Variants in F5 observed in about 807,000 individuals in gnomAD.
The protein encoded by F5 is coagulation factor V, also known as activated protein c cofactor.
A neutral mutation model predicts 216.4 loss-of-function variants in F5; 138 were observed. The ratio of observed to expected loss-of-function variants is 0.64; its 90% CI spans 0.56 to 0.73. The LOEUF (loss-of-function observed/expected upper bound fraction) is 0.73. Ranked by LOEUF, F5 falls within the 30% of genes least tolerant of loss-of-function variation. F5 has a pLI of 0.00. For synonymous variants in F5, 916 were observed against 930.7 expected (o/e 0.98, Z 0.29); for missense variants, 2,403 against 2,674.0 (o/e 0.90, Z 2.24).
intron 11 of F5, among the ~76,000 whole-genome samples, chr1:169,545,221 TA>T (rs1226243010): frequency 7.9e-5 from 12 of 152,226 alleles, no homozygotes; most frequent in African/African-American, 2.7e-4. Flanking sequence ...CATGATGTAT[TA>T]TTAGTTTATA....
At position 169,541,967 on chromosome 1, in the gene F5, A is replaced by C; in HGVS notation, c.3123T>G (p.Ala1041=). Residue 1041 remains alanine, a synonymous_variant, in exon 13 of 25, where the codon GCT becomes GCG. Transcript: ENST00000367797. Reference sequence around the variant, plus strand: ...GGTGAAAGGTCCTCGGAGATAAAGGAGCATGGTGTGTGTGCTTCTCTTTTT... The same window carrying C: ...GGTGAAAGGTCCTCGGAGATAAAGGCGCATGGTGTGTGTGCTTCTCTTTTT... The part of the protein sequence containing the change: ...KKKKEKHTHH[A]PLSPRTFHPL... 1 of 1,614,066 alleles carries C rather than the reference A, an allele frequency of 6.2e-7. No individual in the cohort carries two copies. The highest frequency in any genetic ancestry group is 2.2e-5 in the East Asian group (1 of 44,890).
Position 169,556,876 on chromosome 1 carries a change from G to C in F5, c.731-9C>G, listed in dbSNP as rs761266037. The C allele has an allele frequency of 1.9e-6, 3 of 1,612,514 alleles. No homozygotes were observed. Among genetic ancestry groups the C allele is most frequent in the Non-Finnish European group, 2.5e-6 (3 of 1,179,516 alleles). On this transcript the variant is annotated splice_polypyrimidine_tract_variant and intron_variant, in intron 5 of 24. Transcript: ENST00000367797. The stretch of plus-strand genomic sequence containing the variant: ...GGCACAAACTGTTATATCTGAGAAA[G>C]AGGGAGAGACACAGGCCAAAATAAG...
intron 14 of F5, among the ~76,000 whole-genome samples, chr1:169,532,043 A>G (rs996163128): frequency 6.6e-6 from 1 of 152,230 alleles, no homozygotes; most frequent in Non-Finnish European, 1.5e-5. Context: ...GTGGCTCCAC[A>G]TATGCAAATC....
In F5 at chr1:169,586,319, C is replaced by T; in HGVS notation, c.68G>A (p.Ser23Asn). Residue 23 changes from serine (S) to asparagine (N), a missense_variant, in exon 1 of 25, where the codon AGC (serine) becomes AAC (asparagine). Coordinates refer to ENST00000367797, the MANE Select transcript of F5 (RefSeq NM_000130.5). ...TAGCTGTGCCGCTTCTGTCCCTTGG[C>T]TCCCCCAGCCTACCCAGCTGGTGCC... is the stretch of plus-strand genomic sequence containing the variant. ...VLGTSWVGWG[S>N]QGTEAAQLRQ... 6.2e-7 allele frequency: 1 copy of T among 1,614,134 alleles called. No individual in the cohort carries two copies. Among genetic ancestry groups the T allele is most frequent in the African/African-American group, 1.3e-5 (1 of 75,070 alleles).
chr1:169,558,065 G>T (rs527450614), intron 5 of F5, among the ~76,000 whole-genome samples: 2 of 152,070 alleles, frequency 1.3e-5, no homozygotes, highest in Non-Finnish European at 2.9e-5. Context: ...ATATGGTTTT[G>T]CTTTTCTTGG....
At chr1:169,553,590 C>T (rs985971264) in intron 7 of F5, among the ~76,000 whole-genome samples, 2 of 152,134 alleles carry the variant, frequency 1.3e-5, no homozygotes, top group African/African-American at 2.4e-5. Flanking sequence ...TTTGTGTTGG[C>T]GGGCCCCTGT....
intron 8 of F5, 29 bp from the exon 9 acceptor site, chr1:169,550,768 G>C: frequency 6.6e-7 from 1 of 1,507,132 alleles, no homozygotes; most frequent in African/African-American, 1.4e-5. Flanking sequence ...TTTATTCTAG[G>C]ATTTAAGGTT....
At position 169,542,179 on chromosome 1, in the gene F5, A is replaced by T. The variant is rs771854805; in HGVS notation, c.2911T>A (p.Trp971Arg). 1 of 1,613,968 alleles carries T rather than the reference A, an allele frequency of 6.2e-7. No homozygotes were observed. Among genetic ancestry groups the T allele is most frequent in the Non-Finnish European group, 8.5e-7 (1 of 1,179,996 alleles). The part of the protein sequence containing the change: ...DTDEDTAVNN[W>R]LISPQNASRA... ...GAGGCATTCTGGGGGCTGATCAGCC[A>T]ATTGTTAACAGCTGTGTCTTCATCA... The change falls in exon 13 of 25, where the codon TGG (tryptophan) becomes AGG (arginine). Residue 971 changes from tryptophan (W) to arginine (R), a missense_variant. This residue lies in a region of F5 where 1,425 missense variants were observed against 1,554.8 expected (regional missense o/e 0.92). Coordinates refer to ENST00000367797, the MANE Select transcript of F5 (RefSeq NM_000130.5).
At chr1:169,577,062 G>C (rs770285589) in intron 2 of F5, among the ~76,000 whole-genome samples, 4 of 152,110 alleles carry the variant, frequency 2.6e-5, no homozygotes, top group Non-Finnish European at 5.9e-5. Context: ...CTGCTCTTTA[G>C]CTCCTCCAAC....
chr1:169,565,100 C>A (rs180793151), intron 3 of F5, among the ~76,000 whole-genome samples: 11 of 152,114 alleles, frequency 7.2e-5, no homozygotes, highest in Admixed American at 7.2e-4. Context: ...TTTGCAGATG[C>A]CATTCCCTCT....
At position 169,559,209 on chromosome 1, in the gene F5, C is replaced by A; in HGVS notation, c.674G>T (p.Ser225Ile). 1 of 1,613,854 alleles carries A rather than the reference C, an allele frequency of 6.2e-7. No individual in the cohort carries two copies. Among genetic ancestry groups the A allele is most frequent in the Non-Finnish European group, 8.5e-7 (1 of 1,179,810 alleles). The change falls in exon 5 of 25, where the codon AGC (serine) becomes ATC (isoleucine). Residue 225 changes from serine to isoleucine, a missense_variant. Ser to Ile is a moderately radical substitution (Grantham distance 142, BLOSUM62 -2). Transcript: ENST00000367797. ...FAVFDESKSW[S>I]QSSSLMYTVN... Reference sequence around the variant, plus strand: ...TGTGTACATTAGGGATGATGACTGGCTCCAGCTCTTGCTTTCATCAAACAC... The same window carrying A: ...TGTGTACATTAGGGATGATGACTGGATCCAGCTCTTGCTTTCATCAAACAC...
rs1571606011 is a variant in F5 at position 169,582,637 on chromosome 1, T to C, written c.159-115A>G. ...ACTTCTAGTAGAATACCAGTATCTTTATTGTATTTCAGAAGTCCACAGTTT... is the reference window on the plus strand; with the variant it reads ...ACTTCTAGTAGAATACCAGTATCTTCATTGTATTTCAGAAGTCCACAGTTT... On this transcript the variant is annotated intron_variant, in intron 1 of 24. Transcript: ENST00000367797. 5.4e-6 allele frequency: 3 copies of C among 559,548 alleles called. No individual in the cohort carries two copies. The East Asian group carries it at 9.2e-5, about 17-fold the overall frequency. 34.7% of individuals were successfully genotyped at this position (559,548 alleles called of 1,614,324 possible).
intron 15 of F5, 84 bp from the exon 16 acceptor site, chr1:169,529,902 A>C: frequency 8.8e-7 from 1 of 1,130,970 alleles, no homozygotes; most frequent in South Asian, 1.3e-5. Context: ...TAGAAAAGGA[A>C]ACTTTCTGAT....
rs1008154044 is a variant in F5, at chr1:169,523,965, A to G, written c.5789-61T>C. ...TTTTTAAAAACCCAGCAATTTCTCA[A>G]GTGAGTTTAATCCAGTGGAAAACCA... On this transcript the variant is annotated intron_variant, in intron 19 of 24. Coordinates refer to ENST00000367797, the MANE Select transcript of F5 (RefSeq NM_000130.5). 1.9e-5 allele frequency: 27 copies of G among 1,413,756 alleles called. No homozygotes were observed. In the Admixed American group the frequency reaches 4.5e-4, roughly 24 times the overall value. The allele number at this position is 1,413,756 out of a possible 1,614,324, so 87.6% of individuals were successfully genotyped here.
chr1:169,529,582 A>G, intron 16 of F5, 26 bp downstream of exon 16: 1 of 1,589,110 alleles, frequency 6.3e-7, no homozygotes, highest in Middle Eastern at 1.7e-4. Flanking sequence ...TAATTAGGAG[A>G]TTAGATCAAA....
At chr1:169,517,030 C>A (rs1659174858) in intron 23 of F5, among the ~76,000 whole-genome samples, 2 of 152,040 alleles carry the variant, frequency 1.3e-5, no homozygotes, top group African/African-American at 2.4e-5. Context: ...TGGATAACAT[C>A]TCTTTAATTA....
chr1:169,572,577 C>A (rs1309259010), intron 2 of F5, among the ~76,000 whole-genome samples: 2 of 152,212 alleles, frequency 1.3e-5, no homozygotes, highest in Non-Finnish European at 2.9e-5. Context: ...CAAAAGAAGT[C>A]AACAGAGTAG....
chr1:169,531,877 C>G (rs1659602465), intron 14 of F5, among the ~76,000 whole-genome samples: 1 of 152,028 alleles, frequency 6.6e-6, no homozygotes, highest in African/African-American at 2.4e-5. Flanking sequence ...AATAACAAAA[C>G]CTGGCAAAGA....
At chr1:169,575,049 A>G (rs1018685163) in intron 2 of F5, among the ~76,000 whole-genome samples, 9 of 152,226 alleles carry the variant, frequency 5.9e-5, no homozygotes, top group Non-Finnish European at 1.2e-4. Context: ...AAAACATTCA[A>G]TTTAAACCTA....
Sources: allele counts gnomAD v4.1 joint callset (sites outside exome capture counted in the v4.1 genomes callset), GRCh38; gene constraint gnomAD v4.1.1; regional missense constraint gnomAD v4.1.1; transcripts MANE v1.5; gene names NCBI Gene and HGNC (gene_info 2026-07-23, HGNC 2026-07-21).